Variants in ARL5A observed in about 807,000 individuals in gnomAD.
ARL5A encodes the protein ARF like GTPase 5A.
ARL5A carries 18 observed loss-of-function variants against 25.9 expected under a neutral mutation model. That is an observed-to-expected ratio of 0.69 (90% confidence interval 0.48 to 1.03). The LOEUF (loss-of-function observed/expected upper bound fraction) is 1.03, where lower values mean the gene tolerates loss of function less well. Ranked by LOEUF, ARL5A falls within the 50% of genes least tolerant of loss-of-function variation. ARL5A has a pLI of 0.00. For synonymous variants in ARL5A, 61 were observed against 67.5 expected (o/e 0.90, Z 0.47); for missense variants, 170 against 211.9 (o/e 0.80, Z 1.23).
At chr2:151,807,066 G>T in intron 4 of ARL5A, 94 bp from the exon 5 acceptor site, 2 of 1,191,926 alleles carry the variant, frequency 1.7e-6, no homozygotes, top group South Asian at 1.6e-5. Context: ...TAGTAAACAA[G>T]AATTTCTCAA....
At chr2:151,822,983 A>G (rs374906586) in intron 1 of ARL5A, among the ~76,000 whole-genome samples, 162 of 152,306 alleles carry the variant, frequency 1.1e-3, no homozygotes, top group African/African-American at 3.7e-3. Context: ...TAAATTAAGC[A>G]TAATAATAAT....
At chr2:151,812,312 C>A (rs2099830952) in intron 4 of ARL5A, 45 bp downstream of exon 4, 32 of 1,349,710 alleles carry the variant, frequency 2.4e-5, no homozygotes, top group Non-Finnish European at 3.2e-5. Flanking sequence ...AGTATCGATT[C>A]CCATACCCTT....
chr2:151,812,050 T>C (rs1385523989), intron 4 of ARL5A, among the ~76,000 whole-genome samples: 2 of 152,184 alleles, frequency 1.3e-5, no homozygotes, highest in African/African-American at 4.8e-5. Flanking sequence ...ATCCTCTGTA[T>C]AATTAATCTA....
At chr2:151,812,315 A>G in intron 4 of ARL5A, 42 bp downstream of exon 4, 1 of 1,372,926 alleles carries the variant, frequency 7.3e-7, no homozygotes, top group Non-Finnish European at 1.0e-6. Context: ...ATCGATTCCC[A>G]TACCCTTCCC....
rs1221773572 is a variant in ARL5A, at chr2:151,798,962, G to A, written c.*4314C>T. ...CTTTAGTTTTCAGAACAATACACAA[G>A]GGCTAGACATTGATAAGAAATACTG... is the stretch of plus-strand genomic sequence containing the variant. On this transcript the variant is annotated 3_prime_UTR_variant, in exon 6 of 6. Transcript: ENST00000295087. 1 of 152,116 alleles carries A rather than the reference G, an allele frequency of 6.6e-6. No homozygotes were observed. The highest frequency in any genetic ancestry group is 1.5e-5 in the Non-Finnish European group (1 of 68,020). The allele number at this position is 152,116 out of a possible 1,614,324, so 9.4% of individuals were successfully genotyped here.
Position 151,828,199 on chromosome 2 carries a change from C to CA in ARL5A, c.-24_-23insT, listed in dbSNP as rs397951014. ...CATTCTCGGGCAGCGGACCCCCCCC[C>CA]TCCAGACACCCGGGCCGCCTGGCTT... On this transcript the variant is annotated 5_prime_UTR_variant, in exon 1 of 6. It adds an upstream start codon to the 5' untranslated region. Coordinates refer to ENST00000295087, the MANE Select transcript of ARL5A (RefSeq NM_012097.4). 4.4e-5 allele frequency: 70 copies of CA among 1,600,956 alleles called. No homozygotes were observed. The highest frequency in any genetic ancestry group is 3.3e-4 in the Middle Eastern group (2 of 6,038).
At chr2:151,812,497 TATA>T (rs1405590903) in intron 3 of ARL5A, 57 bp from the exon 4 acceptor site, 2 of 1,167,756 alleles carry the variant, frequency 1.7e-6, no homozygotes, top group African/African-American at 3.2e-5. Flanking sequence ...CTGTAAAATT[TATA>T]ATGTGTTTAT....
intron 1 of ARL5A, 85 bp downstream of exon 1, chr2:151,828,046 A>G: frequency 6.9e-7 from 1 of 1,448,012 alleles, no homozygotes; most frequent in Non-Finnish European, 9.6e-7. Context: ...AGCCGCCCAC[A>G]TTCCGAAGTA....
At position 151,803,367 on chromosome 2, in the gene ARL5A, A is replaced by G. The variant is rs377024590; in HGVS notation, c.492-43T>C. The G allele has an allele frequency of 3.4e-6, 5 of 1,465,956 alleles. No homozygotes were observed. The African/African-American group carries it at 5.6e-5, about 16-fold the overall frequency. 90.8% of individuals were successfully genotyped at this position (1,465,956 alleles called of 1,614,324 possible). ...TCATTTGATTAAATTCTGAACTAAGAAGCTATGAGCAGCAAACTATGAACA... is the reference window on the plus strand; with the variant it reads ...TCATTTGATTAAATTCTGAACTAAGGAGCTATGAGCAGCAAACTATGAACA... On this transcript the variant is annotated intron_variant, in intron 5 of 5. Transcript: ENST00000295087.
chr2:151,821,775 C>CTTTTTTTTTTTTTTT (rs760341359), intron 1 of ARL5A, among the ~76,000 whole-genome samples: 4 of 113,542 alleles, frequency 3.5e-5, no homozygotes, highest in African/African-American at 1.4e-4. Context: ...GCCCGGCTTT[C>CTTTTTTTTTTTTTTT]TTTTTTTTTT....
In ARL5A at chr2:151,798,917, C is replaced by A. The variant is rs1383968811; in HGVS notation, c.*4359G>T. The A allele has an allele frequency of 6.6e-6, 1 of 152,000 alleles. No individual in the cohort carries two copies. Among genetic ancestry groups the A allele is most frequent in the Non-Finnish European group, 1.5e-5 (1 of 68,008 alleles). The allele number at this position is 152,000 out of a possible 1,614,324, so 9.4% of individuals were successfully genotyped here. On this transcript the variant is annotated 3_prime_UTR_variant, in exon 6 of 6. Transcript: ENST00000295087. ...ACCAAAGAACAGGATATCTAGCAAG[C>A]AACAGCATAAAGATTTAAACTTTAG...
At chr2:151,815,232 CA>C (rs1559821052) in intron 1 of ARL5A, 33 bp from the exon 2 acceptor site, 4 of 1,500,366 alleles carry the variant, frequency 2.7e-6, no homozygotes, top group South Asian at 2.5e-5. Context: ...GATTTTTTTT[CA>C]AAAAAGGAAA....
At chr2:151,805,224 TTTTTTAATTAAAAAACC>T (rs948023620) in intron 5 of ARL5A, among the ~76,000 whole-genome samples, 5 of 151,930 alleles carry the variant, frequency 3.3e-5, no homozygotes, top group Admixed American at 2.6e-4. Flanking sequence ...TGAACAGTTT[TTTTTTAATTAAAAAACC>T]TTTTTTAAGG....
In ARL5A at chr2:151,812,575, A is replaced by G. The variant is rs946487928; in HGVS notation, c.256-135T>C. ...ATGGTATTGTTGGAAAATCAGAGCT[A>G]CCTATACATTGTGAAGCCAAAAGGT... On this transcript the variant is annotated intron_variant, in intron 3 of 5. Transcript: ENST00000295087. 4 of 523,226 alleles carry G rather than the reference A, an allele frequency of 7.6e-6. No homozygotes were observed. The African/African-American group carries it at 7.8e-5, about 10-fold the overall frequency. The allele number at this position is 523,226 out of a possible 1,614,324, so 32.4% of individuals were successfully genotyped here.
In ARL5A at chr2:151,828,194, C is replaced by G. The variant is rs764906789; in HGVS notation, c.-18G>C. ...ATTCCCATTCTCGGGCAGCGGACCC[C>G]CCCCCTCCAGACACCCGGGCCGCCT... On this transcript the variant is annotated 5_prime_UTR_variant, in exon 1 of 6. Transcript: ENST00000295087. 22 of 1,605,242 alleles carry G rather than the reference C, an allele frequency of 1.4e-5. No homozygotes were observed. Among genetic ancestry groups the G allele is most frequent in the Non-Finnish European group, 1.9e-5 (22 of 1,176,168 alleles).
chr2:151,817,758 T>C (rs2099831708), intron 1 of ARL5A, among the ~76,000 whole-genome samples: 1 of 152,128 alleles, frequency 6.6e-6, no homozygotes, highest in African/African-American at 2.4e-5. Flanking sequence ...TCCCAGCACT[T>C]TGGGAGGCTG....
rs1455584980 is a variant in ARL5A, at chr2:151,798,812, A to G, written c.*4464T>C. 6.6e-6 allele frequency: 1 copy of G among 152,058 alleles called. No homozygotes were observed. Among genetic ancestry groups the G allele is most frequent in the Non-Finnish European group, 1.5e-5 (1 of 68,010 alleles). 9.4% of individuals were successfully genotyped at this position (152,058 alleles called of 1,614,324 possible). A position where few individuals can be genotyped will look rare whatever the true frequency, so the allele number is the denominator to read the frequency against. Reference sequence around the variant, plus strand: ...AGCCATACGATACCATAGAAAATACATATAATTTATTAGATGGGCTTAAAA... The same window carrying G: ...AGCCATACGATACCATAGAAAATACGTATAATTTATTAGATGGGCTTAAAA... On this transcript the variant is annotated 3_prime_UTR_variant, in exon 6 of 6. Coordinates refer to ENST00000295087, the MANE Select transcript of ARL5A (RefSeq NM_012097.4).
In ARL5A at chr2:151,812,402, C is replaced by A; in HGVS notation, c.294G>T (p.Arg98Ser). 3 of 1,606,470 alleles carry A rather than the reference C, an allele frequency of 1.9e-6. No individual in the cohort carries two copies. Among genetic ancestry groups the A allele is most frequent in the Non-Finnish European group, 2.5e-6 (3 of 1,177,662 alleles). Residue 98 changes from arginine (R) to serine (S), a missense_variant, in exon 4 of 6, where the codon AGG becomes AGT. Arg to Ser is a moderately radical substitution (Grantham distance 110). Coordinates refer to ENST00000295087, the MANE Select transcript of ARL5A (RefSeq NM_012097.4). ...AGAGTTCTTCTCTAGTTACAGAAAT[C>A]CTCTCTCTGTCTGTACTGTCCACAA... ...IVVVDSTDRE[R>S]ISVTREELYK... is the part of the protein sequence containing the mutation.
rs1391570458 is a variant in ARL5A, at chr2:151,798,949, G to A, written c.*4327C>T. The A allele has an allele frequency of 6.6e-6, 1 of 152,060 alleles. No individual in the cohort carries two copies. Among genetic ancestry groups the A allele is most frequent in the Non-Finnish European group, 1.5e-5 (1 of 68,004 alleles). 9.4% of individuals were successfully genotyped at this position (152,060 alleles called of 1,614,324 possible). On this transcript the variant is annotated 3_prime_UTR_variant, in exon 6 of 6. Transcript: ENST00000295087. ...ATAAAGATTTAAACTTTAGTTTTCA[G>A]AACAATACACAAGGGCTAGACATTG... is the stretch of plus-strand genomic sequence containing the variant.
Sources: gnomAD v4.1 joint callset for allele counts (sites outside exome capture counted in the v4.1 genomes callset) on GRCh38, gnomAD v4.1.1 for gene constraint, MANE v1.5 for transcripts, NCBI Gene and HGNC (gene_info 2026-07-23, HGNC 2026-07-21) for gene names.